CNBD1: variants seen among roughly 807,000 people sequenced by gnomAD.
CNBD1 encodes cyclic nucleotide-binding domain-containing protein 1.
CNBD1 carries 71 observed loss-of-function variants against 54.4 expected under a neutral mutation model. That is an observed-to-expected ratio of 1.30 (90% CI 1.08 to 1.59). The LOEUF is 1.59. CNBD1 is among the 40% of genes most tolerant of loss of function. The pLI, the probability that CNBD1 is intolerant of heterozygous loss-of-function variation, is 0.00. For missense variants in CNBD1, 659 were observed against 518.0 expected (o/e 1.27, Z -2.64); for synonymous variants, 182 against 170.7 (o/e 1.07, Z -0.51).
intron 8 of CNBD1, among the ~76,000 whole-genome samples, chr8:87,333,013 G>A (rs1390803054): frequency 6.6e-6 from 1 of 152,094 alleles, no homozygotes; most frequent in Non-Finnish European, 1.5e-5. Context: ...AGGATGGAAT[G>A]TTTCTCCATT....
At chr8:86,968,085 G>A (rs565059098) in intron 4 of CNBD1, among the ~76,000 whole-genome samples, 1 of 152,098 alleles carries the variant, frequency 6.6e-6, no homozygotes. Flanking sequence ...GCTAGAGTGG[G>A]TTGAAGTTGA....
chr8:87,333,426 TGA>T (rs1809876360), intron 8 of CNBD1, among the ~76,000 whole-genome samples: 1 of 152,188 alleles, frequency 6.6e-6, no homozygotes, highest in South Asian at 2.1e-4. Context: ...ATAAGAGTGG[TGA>T]GAGAGGGCAT....
chr8:87,400,222 C>G (rs1443834911), intron 2 of CNBD1, among the ~76,000 whole-genome samples: 1 of 151,918 alleles, frequency 6.6e-6, no homozygotes, highest in Non-Finnish European at 1.5e-5. Flanking sequence ...ATGGTTGGTG[C>G]AAAGGTAATT....
At chr8:87,317,053 A>G (rs1027116013) in intron 8 of CNBD1, among the ~76,000 whole-genome samples, 1 of 151,818 alleles carries the variant, frequency 6.6e-6, no homozygotes, top group Non-Finnish European at 1.5e-5. Context: ...GGGGATAATA[A>G]TGATACTTAT....
chr8:87,130,111 G>C (rs1031696599), intron 4 of CNBD1, among the ~76,000 whole-genome samples: 4 of 152,080 alleles, frequency 2.6e-5, no homozygotes, highest in Non-Finnish European at 5.9e-5. Context: ...CCTCCCACCA[G>C]TTCCCTCCCA....
At chr8:86,868,488 G>A (rs996932740) in intron 1 of CNBD1, among the ~76,000 whole-genome samples, 5 of 151,944 alleles carry the variant, frequency 3.3e-5, no homozygotes, top group Non-Finnish European at 7.4e-5. Context: ...GACTACAGGT[G>A]TGCCTGGCTA....
intron 4 of CNBD1, among the ~76,000 whole-genome samples, chr8:87,130,299 C>A (rs1296254671): frequency 6.6e-6 from 1 of 152,144 alleles, no homozygotes; most frequent in Non-Finnish European, 1.5e-5. Context: ...TCAAAATATA[C>A]TGAGACTTAT....
At position 87,370,865 on chromosome 8, in the gene CNBD1, A is replaced by G. The variant is rs1373741443; in HGVS notation, c.1304-11755A>G. 5.3e-5 allele frequency among the ~76,000 whole-genome samples: 8 copies of G among 150,896 alleles called. No homozygotes were observed. In the South Asian group the frequency reaches 1.5e-3, roughly 28 times the overall value. On this transcript the variant is annotated intron_variant, in intron 10 of 10. Coordinates refer to ENST00000518476, the MANE Select transcript of CNBD1 (RefSeq NM_173538.3). ...CTAGGGTTTTTATGGTTTTAGGTCT[A>G]ACGTTTAAGTCTTTAGTCCATCTTG... is the stretch of plus-strand genomic sequence containing the variant.
At chr8:87,059,529 C>T (rs562600584) in intron 4 of CNBD1, among the ~76,000 whole-genome samples, 4 of 152,178 alleles carry the variant, frequency 2.6e-5, no homozygotes, top group Non-Finnish European at 5.9e-5. Context: ...CCTCAGGAAA[C>T]TTAAAATCAT....
intron 6 of CNBD1, among the ~76,000 whole-genome samples, chr8:87,283,548 T>C (rs1207851358): frequency 1.3e-5 from 2 of 152,242 alleles, no homozygotes; most frequent in East Asian, 3.9e-4. Flanking sequence ...TTTTTCAGCT[T>C]TGGGTCTTCT....
rs151276481 is a variant in CNBD1 at position 87,237,156 on chromosome 8, G to A, written c.771+44G>A. 3.1e-4 allele frequency: 400 copies of A among 1,293,684 alleles called. 2 individuals carry two copies. In the African/African-American group the frequency reaches 4.8e-3, roughly 15 times the overall value. The allele number at this position is 1,293,684 out of a possible 1,614,324, so 80.1% of individuals were successfully genotyped here. On this transcript the variant is annotated intron_variant, in intron 6 of 10. Coordinates refer to ENST00000518476, the MANE Select transcript of CNBD1 (RefSeq NM_173538.3). ...CTTTTTCCACAAGCAACAAGGTAACGGGCTTTTGTAAAACTTTATCTCTTC... is the reference window on the plus strand; with the variant it reads ...CTTTTTCCACAAGCAACAAGGTAACAGGCTTTTGTAAAACTTTATCTCTTC...
chr8:86,877,746 A>G (rs1342104070), intron 1 of CNBD1, among the ~76,000 whole-genome samples: 1 of 152,098 alleles, frequency 6.6e-6, no homozygotes, highest in Non-Finnish European at 1.5e-5. Flanking sequence ...TATATAAGAA[A>G]AGTATTATTG....
chr8:86,987,792 A>G (rs1808641033), intron 4 of CNBD1, among the ~76,000 whole-genome samples: 1 of 152,154 alleles, frequency 6.6e-6, no homozygotes, highest in African/African-American at 2.4e-5. Context: ...GTTGTGAATC[A>G]CATTTATTGA....
intron 4 of CNBD1, among the ~76,000 whole-genome samples, chr8:87,049,111 G>C (rs1810260216): frequency 6.6e-6 from 1 of 152,206 alleles, no homozygotes; most frequent in East Asian, 1.9e-4. Context: ...AGCCCTCCCA[G>C]ATTACAGGGG....
At chr8:87,343,080 C>A (rs1189222608) in intron 8 of CNBD1, among the ~76,000 whole-genome samples, 1 of 152,156 alleles carries the variant, frequency 6.6e-6, no homozygotes, top group Non-Finnish European at 1.5e-5. Flanking sequence ...TTATTCCTTG[C>A]TGCAAAAAGA....
chr8:87,320,801 C>A (rs943877568), intron 8 of CNBD1, among the ~76,000 whole-genome samples: 2 of 152,086 alleles, frequency 1.3e-5, no homozygotes, highest in African/African-American at 2.4e-5. Flanking sequence ...TGTTGCTCAG[C>A]ATATCTCTCT....
intron 5 of CNBD1, among the ~76,000 whole-genome samples, chr8:87,230,376 T>C (rs1304494896): frequency 6.6e-6 from 1 of 152,176 alleles, no homozygotes; most frequent in Admixed American, 6.5e-5. Context: ...ATAAAATCTA[T>C]AAAACTAACA....
intron 10 of CNBD1, among the ~76,000 whole-genome samples, chr8:87,355,918 T>C (rs1450181180): frequency 6.6e-6 from 1 of 152,128 alleles, no homozygotes; most frequent in African/African-American, 2.4e-5. Flanking sequence ...GTGTCCTTCC[T>C]GGGTAATGAG....
intron 4 of CNBD1, among the ~76,000 whole-genome samples, chr8:87,036,581 G>A (rs549935696): frequency 1.2e-4 from 14 of 121,282 alleles, no homozygotes; most frequent in East Asian, 7.4e-4. Context: ...GCGACAGAGC[G>A]AGACTGCATC....
Sources: gnomAD v4.1 joint callset for allele counts (sites outside exome capture counted in the v4.1 genomes callset) on GRCh38, gnomAD v4.1.1 for gene constraint, MANE v1.5 for transcripts, NCBI Gene and HGNC (gene_info 2026-07-23, HGNC 2026-07-21) for gene names.